FSTL5: variants seen among roughly 807,000 people sequenced by gnomAD.
FSTL5 encodes follistatin like 5, also known as follistatin-related protein 5.
A neutral mutation model predicts 89.1 loss-of-function variants in FSTL5; 62 were observed. The ratio of observed to expected loss-of-function variants is 0.70; its 90% CI spans 0.57 to 0.86. The LOEUF (loss-of-function observed/expected upper bound fraction) is 0.86. Among genes scored for constraint, FSTL5 ranks in the 40% least tolerant of loss-of-function variants. The pLI, the probability that FSTL5 is intolerant of heterozygous loss-of-function variation, is 0.00. For synonymous variants in FSTL5, 383 were observed against 346.2 expected, an observed-to-expected ratio of 1.11 and a Z score of -1.18; for missense variants, 1,057 against 1,001.6, an observed-to-expected ratio of 1.06 and a Z score of -0.75.
chr4:161,460,578 G>A (rs1165136539), intron 13 of FSTL5, among the ~76,000 whole-genome samples: 1 of 152,040 alleles, frequency 6.6e-6, no homozygotes, highest in African/African-American at 2.4e-5. Context: ...CTATTGTTGT[G>A]GTTGGAAATA....
intron 12 of FSTL5, among the ~76,000 whole-genome samples, chr4:161,492,042 C>A (rs1729897205): frequency 6.6e-6 from 1 of 152,156 alleles, no homozygotes; most frequent in African/African-American, 2.4e-5. Context: ...ATGTCAATTT[C>A]ATCTCCATTT....
At chr4:162,150,659 C>A (rs1733191324) in intron 1 of FSTL5, among the ~76,000 whole-genome samples, 1 of 152,134 alleles carries the variant, frequency 6.6e-6, no homozygotes, top group African/African-American at 2.4e-5. Context: ...TCAACAAAAT[C>A]ATGGCACCCA....
intron 15 of FSTL5, among the ~76,000 whole-genome samples, chr4:161,449,773 T>C (rs190100996): frequency 2.1e-3 from 316 of 152,256 alleles, no homozygotes; most frequent in Non-Finnish European, 3.4e-3. Context: ...TTAAATTGTA[T>C]CAAAGGTATT....
chr4:161,581,055 T>C (rs775540513), intron 8 of FSTL5, among the ~76,000 whole-genome samples: 6 of 152,116 alleles, frequency 3.9e-5, no homozygotes, highest in Non-Finnish European at 2.9e-5. Context: ...GACAATCAAC[T>C]GAAAGTTTTA....
At chr4:161,566,844 T>C (rs1297400182) in intron 8 of FSTL5, among the ~76,000 whole-genome samples, 1 of 152,112 alleles carries the variant, frequency 6.6e-6, no homozygotes, top group Non-Finnish European at 1.5e-5. Context: ...AAAGCCTAGG[T>C]ATAGCATGTG....
chr4:162,062,955 T>G (rs1473500219), intron 2 of FSTL5, among the ~76,000 whole-genome samples: 1 of 151,724 alleles, frequency 6.6e-6, no homozygotes, highest in Non-Finnish European at 1.5e-5. Context: ...TTGCCTTAGG[T>G]TCAAATAATT....
chr4:162,011,672 T>G (rs890518898), intron 3 of FSTL5, among the ~76,000 whole-genome samples: 1 of 152,122 alleles, frequency 6.6e-6, no homozygotes, highest in Non-Finnish European at 1.5e-5. Context: ...TATTTTTGTA[T>G]TTTTAGTAGA....
rs1189847746 is a variant in FSTL5, at chr4:161,705,961, T to G, written c.728-49467A>C. ...GTGTGTGTAGATGTGTGTATATATA[T>G]ATATATATATATATATATATATATA... On this transcript the variant is annotated intron_variant, in intron 6 of 15. Coordinates refer to ENST00000306100, the MANE Select transcript of FSTL5 (RefSeq NM_020116.5). Among the ~76,000 whole-genome samples, 153 of 58,504 alleles carry G rather than the reference T, an allele frequency of 2.6e-3. 4 individuals carry two copies. The highest frequency in any genetic ancestry group is 0.011 in the African/African-American group (118 of 11,082). The allele number at this position is 58,504 out of a possible 152,430, so 38.4% of individuals were successfully genotyped here.
chr4:161,759,612 C>T (rs1740712154), intron 5 of FSTL5, 81 bp from the exon 6 acceptor site: 3 of 859,496 alleles, frequency 3.5e-6, no homozygotes, highest in African/African-American at 1.8e-5. Flanking sequence ...GTAATAATCA[C>T]ATAATAGTTC....
intron 5 of FSTL5, among the ~76,000 whole-genome samples, chr4:161,769,525 G>T (rs1312575229): frequency 4.6e-5 from 7 of 151,884 alleles, no homozygotes; most frequent in African/African-American, 7.2e-5. Flanking sequence ...TGCAAAAATG[G>T]TTCAACTTAC....
At chr4:161,691,884 AT>A (rs942527480) in intron 6 of FSTL5, among the ~76,000 whole-genome samples, 4 of 151,688 alleles carry the variant, frequency 2.6e-5, no homozygotes, top group African/African-American at 9.7e-5. Flanking sequence ...ATCTATGCTG[AT>A]TTTTTTTATT....
chr4:161,415,667 G>T lies in FSTL5; in HGVS notation c.1842-29218C>A, dbSNP rs371736676. On this transcript the variant is annotated intron_variant, in intron 15 of 15. Coordinates refer to ENST00000306100, the MANE Select transcript of FSTL5 (RefSeq NM_020116.5). ...TATAGGGGATACATATATATATAGA[G>T]AGAGAGAGAGAGAAAGAGAGAGAAA... is the stretch of plus-strand genomic sequence containing the variant. Among the ~76,000 whole-genome samples the T allele has an allele frequency of 2.9e-3, 437 of 149,534 alleles. 2 individuals carry two copies. The highest frequency in any genetic ancestry group is 7.8e-3 in the African/African-American group (317 of 40,452).
At chr4:162,148,193 A>T (rs1443788605) in intron 1 of FSTL5, among the ~76,000 whole-genome samples, 1 of 152,166 alleles carries the variant, frequency 6.6e-6, no homozygotes, top group Non-Finnish European at 1.5e-5. Flanking sequence ...CATTGAAGCT[A>T]TTTGAACCTT....
At chr4:161,647,971 C>G (rs200484560) in intron 7 of FSTL5, among the ~76,000 whole-genome samples, 1 of 152,114 alleles carries the variant, frequency 6.6e-6, no homozygotes, top group African/African-American at 2.4e-5. Context: ...ACTGGCAGAA[C>G]GACACGGAGT....
At chr4:161,454,297 T>G (rs1451875890) in intron 15 of FSTL5, among the ~76,000 whole-genome samples, 2 of 152,152 alleles carry the variant, frequency 1.3e-5, no homozygotes, top group African/African-American at 2.4e-5. Flanking sequence ...TTTAAATTGT[T>G]TCAACAGATT....
chr4:161,708,376 G>C (rs1738661872), intron 6 of FSTL5, among the ~76,000 whole-genome samples: 1 of 151,874 alleles, frequency 6.6e-6, no homozygotes, highest in Non-Finnish European at 1.5e-5. Context: ...TTCTAAAATA[G>C]CATCAGTATA....
intron 3 of FSTL5, among the ~76,000 whole-genome samples, chr4:162,023,814 T>C (rs1223716781): frequency 3.9e-5 from 6 of 152,152 alleles, no homozygotes; most frequent in African/African-American, 7.2e-5. Flanking sequence ...GAATTAACCA[T>C]AGGGGAAGAC....
chr4:161,689,785 C>T (rs2126717993), intron 6 of FSTL5, among the ~76,000 whole-genome samples: 1 of 152,170 alleles, frequency 6.6e-6, no homozygotes, highest in African/African-American at 2.4e-5. Context: ...ACTTTGTATC[C>T]ATTAAGCAAC....
chr4:161,677,306 G>A (rs921520674), intron 6 of FSTL5, among the ~76,000 whole-genome samples: 18 of 151,896 alleles, frequency 1.2e-4, no homozygotes, highest in African/African-American at 4.3e-4. Flanking sequence ...TCAGAGAGAG[G>A]CAGATAGAAA....
Sources: gnomAD v4.1 joint callset for allele counts (sites outside exome capture counted in the v4.1 genomes callset) on GRCh38, gnomAD v4.1.1 for gene constraint, MANE v1.5 for transcripts, NCBI Gene and HGNC (gene_info 2026-07-23, HGNC 2026-07-21) for gene names.